The following TMEM164 variants were observed in gnomAD, a reference collection of about 807,000 sequenced individuals.
TMEM164 encodes the protein RP13-360B22.2.
Under a neutral mutation model 18.8 loss-of-function variants are expected in TMEM164, and 4 were observed. That is an observed-to-expected ratio of 0.21 (90% CI 0.10 to 0.49). The LOEUF is 0.49. TMEM164 is among the 20% of genes least tolerant of loss of function. TMEM164 has a pLI of 0.98. For synonymous variants in TMEM164, 86 were observed against 101.7 expected (o/e 0.85, Z 0.93); for missense variants, 108 against 239.9 (o/e 0.45, Z 3.63).
chrX:110,134,235 C>A (rs950287545), intron 4 of TMEM164, among the ~76,000 whole-genome samples: 10 of 111,125 alleles, frequency 9.0e-5, no homozygotes, highest in Non-Finnish European at 1.9e-4. Context: ...CAGGAGTAGC[C>A]CTGATAGGGT....
At chrX:110,168,564 A>G (rs1352005031) in intron 5 of TMEM164, among the ~76,000 whole-genome samples, 2 of 112,344 alleles carry the variant, frequency 1.8e-5, no homozygotes, top group Admixed American at 9.3e-5. Flanking sequence ...TTCTCCATCT[A>G]TAAAATGGAG....
rs1602473315 is a variant in TMEM164 at position 110,015,432 on chromosome X, A to G, written c.390+11268A>G. Among the ~76,000 whole-genome samples the G allele has an allele frequency of 2.7e-5, 3 of 112,206 alleles. No individual in the cohort carries two copies. In the South Asian group the frequency reaches 1.1e-3, roughly 41 times the overall value. Reference sequence around the variant, plus strand: ...GCAGCGCTTGGAAATTAGTTATGAAAGTTCACACATTCTAAGACCTAGGGA... The same window carrying G: ...GCAGCGCTTGGAAATTAGTTATGAAGGTTCACACATTCTAAGACCTAGGGA... On this transcript the variant is annotated intron_variant, in intron 2 of 6. Transcript: ENST00000372068.
rs762188961 is a variant in TMEM164 at position 110,109,116 on chromosome X, A to G, written c.477A>G (p.Ala159=). 1.2e-5 allele frequency: 14 copies of G among 1,209,786 alleles called. No individual in the cohort carries two copies. The highest frequency in any genetic ancestry group is 1.0e-5 in the Non-Finnish European group (9 of 895,100). ...ACATGTTGAATGGAGCTCTTCTGGC[A>G]TTGCTGTTTCCTGTGGTAAACACTC... ...QMHMLNGALL[A]LLFPVVNTRL... is the part of the protein sequence containing the mutation. Residue 159 remains alanine (A), a synonymous_variant, in exon 4 of 7, where the codon GCA becomes GCG. Coordinates refer to ENST00000372068, the MANE Select transcript of TMEM164 (RefSeq NM_032227.4).
chrX:110,095,768 G>A (rs2066007657), intron 3 of TMEM164, among the ~76,000 whole-genome samples: 1 of 112,325 alleles, frequency 8.9e-6, no homozygotes, highest in Non-Finnish European at 1.9e-5. Context: ...GCGCTCTGAT[G>A]TTTGGAATTT....
At chrX:110,098,434 A>G (rs757941921) in intron 3 of TMEM164, among the ~76,000 whole-genome samples, 2 of 111,261 alleles carry the variant, frequency 1.8e-5, no homozygotes, top group Non-Finnish European at 3.8e-5. Context: ...GAGCAGAATT[A>G]TTGAGTTGTA....
At chrX:110,095,505 C>G (rs776595264) in intron 3 of TMEM164, among the ~76,000 whole-genome samples, 7 of 112,117 alleles carry the variant, frequency 6.2e-5, no homozygotes, top group Non-Finnish European at 1.1e-4. Flanking sequence ...TCACCTAGTT[C>G]TCATGTCATG....
At chrX:110,089,461 C>T (rs1279143975) in intron 3 of TMEM164, among the ~76,000 whole-genome samples, 1 of 111,837 alleles carries the variant, frequency 8.9e-6, no homozygotes, top group Non-Finnish European at 1.9e-5. Flanking sequence ...TCCCAAAGTG[C>T]TGGGATTACA....
intron 4 of TMEM164, among the ~76,000 whole-genome samples, chrX:110,120,576 T>C (rs1333208566): frequency 1.8e-5 from 2 of 112,373 alleles, no homozygotes; most frequent in Non-Finnish European, 3.8e-5. Flanking sequence ...ATCTGTCACC[T>C]CAAGCATTTA....
chrX:110,085,940 T>C (rs1485098406), intron 3 of TMEM164, among the ~76,000 whole-genome samples: 1 of 112,239 alleles, frequency 8.9e-6, no homozygotes, highest in Non-Finnish European at 1.9e-5. Flanking sequence ...GTAGTCCAAA[T>C]GGATGTCCGG....
chrX:110,071,425 G>T (rs1464839695), intron 3 of TMEM164, among the ~76,000 whole-genome samples: 1 of 109,959 alleles, frequency 9.1e-6, no homozygotes, highest in East Asian at 2.8e-4. Context: ...TAGATTTTCT[G>T]GTTTTGAACT....
chrX:110,123,395 T>G (rs2066479220), intron 4 of TMEM164, among the ~76,000 whole-genome samples: 1 of 111,563 alleles, frequency 9.0e-6, no homozygotes, highest in Admixed American at 9.6e-5. Context: ...GTGTGAATGT[T>G]GAAAAGGGCT....
At chrX:110,096,949 G>T (rs76060031) in intron 3 of TMEM164, among the ~76,000 whole-genome samples, 1 of 111,518 alleles carries the variant, frequency 9.0e-6, no homozygotes, top group Non-Finnish European at 1.9e-5. Flanking sequence ...CTTAGATCCA[G>T]GGGTTTATAG....
At position 110,019,823 on chromosome X, in the gene TMEM164, T is replaced by C. The variant is rs565723873; in HGVS notation, c.390+15659T>C. On this transcript the variant is annotated intron_variant, in intron 2 of 6. Coordinates refer to ENST00000372068, the MANE Select transcript of TMEM164 (RefSeq NM_032227.4). ...CTGTAGAGAAATCTTAATCTCCTTA[T>C]GATAGGATTCGGTATCTTCTGTGAT... Among the ~76,000 whole-genome samples the C allele has an allele frequency of 1.7e-4, 19 of 112,310 alleles. No homozygotes were observed. The South Asian group carries it at 6.6e-3, about 39-fold the overall frequency.
intron 5 of TMEM164, among the ~76,000 whole-genome samples, chrX:110,161,796 C>T (rs931739680): frequency 8.9e-6 from 1 of 112,202 alleles, no homozygotes; most frequent in African/African-American, 3.2e-5. Flanking sequence ...CTTGTTACTA[C>T]AGTGGAGATT....
At chrX:110,057,179 C>G (rs760941306) in intron 2 of TMEM164, among the ~76,000 whole-genome samples, 2 of 111,711 alleles carry the variant, frequency 1.8e-5, no homozygotes, top group Admixed American at 1.9e-4. Context: ...TAACATCTTA[C>G]TTTCCCAGCA....
intron 3 of TMEM164, among the ~76,000 whole-genome samples, chrX:110,077,498 T>A (rs2065689609): frequency 8.9e-6 from 1 of 111,786 alleles, no homozygotes; most frequent in Non-Finnish European, 1.9e-5. Context: ...CCTTTCATGA[T>A]GTTGTTAATT....
intron 4 of TMEM164, among the ~76,000 whole-genome samples, chrX:110,110,386 T>C (rs1254595278): frequency 8.9e-6 from 1 of 112,149 alleles, no homozygotes; most frequent in Non-Finnish European, 1.9e-5. Context: ...AATGCAAACA[T>C]ACATCAAAAC....
chrX:110,107,840 A>G (rs987420374), intron 3 of TMEM164, among the ~76,000 whole-genome samples: 1 of 109,868 alleles, frequency 9.1e-6, no homozygotes, highest in East Asian at 2.9e-4. Context: ...TTGTATTTTT[A>G]GTAGAGACGG....
chrX:110,086,361 C>CG (rs2065851076), intron 3 of TMEM164, among the ~76,000 whole-genome samples: 1 of 111,430 alleles, frequency 9.0e-6, no homozygotes, highest in Non-Finnish European at 1.9e-5. Context: ...CATATGATCT[C>CG]TGTGTTTTAA....
Sources: gnomAD v4.1 joint callset for allele counts (sites outside exome capture counted in the v4.1 genomes callset) on GRCh38, gnomAD v4.1.1 for gene constraint, MANE v1.5 for transcripts, NCBI Gene and HGNC (gene_info 2026-07-23, HGNC 2026-07-21) for gene names.